The following FAR2 variants were observed in gnomAD, a reference collection of about 807,000 sequenced individuals.
The protein encoded by FAR2 is epididymis secretory protein Li 81.
In FAR2, 19 loss-of-function variants were observed where a neutral mutation model predicts 56.0. The ratio of observed to expected loss-of-function variants is 0.34; its 90% CI spans 0.24 to 0.50. The LOEUF is 0.50. FAR2 is among the 20% of genes least tolerant of loss of function. FAR2 has a pLI of 0.98. For synonymous variants in FAR2, 219 were observed against 218.8 expected, an observed-to-expected ratio of 1.00 and a Z score of -0.01; for missense variants, 508 against 642.2, an observed-to-expected ratio of 0.79 and a Z score of 2.26.
intron 1 of FAR2, among the ~76,000 whole-genome samples, chr12:29,210,188 AGAGT>A (rs1445906272): frequency 6.6e-6 from 1 of 152,214 alleles, no homozygotes; most frequent in Non-Finnish European, 1.5e-5. Context: ...CCTGGGTGAC[AGAGT>A]GAGAACCTCT....
chr12:29,242,566 C>T (rs1948054948), intron 1 of FAR2, among the ~76,000 whole-genome samples: 1 of 152,196 alleles, frequency 6.6e-6, no homozygotes, highest in African/African-American at 2.4e-5. Context: ...TTCATATATT[C>T]AACCTATGGT....
At chr12:29,311,666 T>TCTCACA (rs1555123662) in intron 7 of FAR2, among the ~76,000 whole-genome samples, 39,978 of 147,434 alleles carry the variant, frequency 0.27, 5,422 homozygotes, top group East Asian at 0.32. Context: ...AACATCTCTT[T>TCTCACA]CACACACACA....
chr12:29,276,485 A>G (rs1052198161), intron 2 of FAR2, among the ~76,000 whole-genome samples: 2 of 152,214 alleles, frequency 1.3e-5, no homozygotes, highest in African/African-American at 2.4e-5. Flanking sequence ...CTATGCAAAT[A>G]TCTACTTTCT....
At chr12:29,160,384 G>A (rs183339215) in intron 1 of FAR2, among the ~76,000 whole-genome samples, 3 of 152,358 alleles carry the variant, frequency 2.0e-5, no homozygotes, top group Non-Finnish European at 2.9e-5. Context: ...CTTGCCAAGT[G>A]TATGAGATGC....
At chr12:29,280,371 A>G (rs1169347312) in intron 2 of FAR2, 1 of 152,180 alleles carries the variant, frequency 6.6e-6, no homozygotes, top group Non-Finnish European at 1.5e-5. Flanking sequence ...TCTCTTTTCT[A>G]TAGTTAGTCA....
intron 1 of FAR2, among the ~76,000 whole-genome samples, chr12:29,176,643 T>G (rs1342551844): frequency 6.6e-6 from 1 of 152,240 alleles, no homozygotes; most frequent in Non-Finnish European, 1.5e-5. Context: ...TCAAAATTAC[T>G]CAGTGGCTTA....
intron 1 of FAR2, among the ~76,000 whole-genome samples, chr12:29,263,095 A>G (rs147106217): frequency 5.3e-5 from 8 of 152,356 alleles, no homozygotes; most frequent in Admixed American, 5.2e-4. Context: ...CAGCAATAGG[A>G]TATAATAATT....
intron 1 of FAR2, among the ~76,000 whole-genome samples, chr12:29,152,689 A>C (rs1034425270): frequency 6.6e-6 from 1 of 152,252 alleles, no homozygotes; most frequent in Non-Finnish European, 1.5e-5. Context: ...TAAACTTATG[A>C]CATCATTAGT....
chr12:29,177,739 A>G (rs1949951809), intron 1 of FAR2, among the ~76,000 whole-genome samples: 6 of 152,114 alleles, frequency 3.9e-5, no homozygotes, highest in Admixed American at 3.9e-4. Context: ...TCTAGATGGT[A>G]TTTTTATCCC....
rs71042981 is a variant in FAR2 at position 29,299,213 on chromosome 12, C to CAAA, written c.545+2033_545+2035dup. On this transcript the variant is annotated intron_variant, in intron 4 of 11. Transcript: ENST00000536681. ...GGTCAACAAGAGCAAAACTTTGTCTCAAAAAAAAAAAAAAAAAAAAAAGAA... is the reference window on the plus strand; with the variant it reads ...GGTCAACAAGAGCAAAACTTTGTCTCAAAAAAAAAAAAAAAAAAAAAAAAAGAA... Among the ~76,000 whole-genome samples the CAAA allele has an allele frequency of 5.2e-4, 54 of 103,556 alleles. 1 individual carries two copies. The highest frequency in any genetic ancestry group is 1.7e-3 in the African/African-American group (43 of 25,890). The allele number at this position is 103,556 out of a possible 152,430, so 67.9% of individuals were successfully genotyped here.
chr12:29,209,723 T>C (rs1265442123), intron 1 of FAR2, among the ~76,000 whole-genome samples: 3 of 152,102 alleles, frequency 2.0e-5, no homozygotes, highest in Non-Finnish European at 1.5e-5. Flanking sequence ...TGTGTGTCTG[T>C]GTGTGTAAAA....
intron 1 of FAR2, among the ~76,000 whole-genome samples, chr12:29,249,508 A>C (rs1377937651): frequency 6.6e-6 from 1 of 152,210 alleles, no homozygotes; most frequent in East Asian, 1.9e-4. Flanking sequence ...ATTCATTTGA[A>C]AGGGTATCTC....
intron 10 of FAR2, among the ~76,000 whole-genome samples, chr12:29,325,083 A>C (rs1356815745): frequency 6.6e-6 from 1 of 152,138 alleles, no homozygotes; most frequent in Non-Finnish European, 1.5e-5. Context: ...AAACAAAAAA[A>C]GGCAGGGGTT....
chr12:29,324,012 C>T (rs925853699), intron 10 of FAR2, among the ~76,000 whole-genome samples: 3 of 152,022 alleles, frequency 2.0e-5, no homozygotes, highest in Non-Finnish European at 4.4e-5. Context: ...AAAAATTAGA[C>T]GAATGGATAA....
chr12:29,192,127 A>G (rs768945181), intron 1 of FAR2, among the ~76,000 whole-genome samples: 3 of 152,252 alleles, frequency 2.0e-5, no homozygotes, highest in Admixed American at 6.5e-5. Flanking sequence ...GCCATGTGTG[A>G]GAAATAACCA....
intron 1 of FAR2, among the ~76,000 whole-genome samples, chr12:29,164,262 G>A (rs1231147843): frequency 6.6e-6 from 1 of 152,110 alleles, no homozygotes; most frequent in Non-Finnish European, 1.5e-5. Context: ...ATGCAGGCAC[G>A]AGGCCTTGAT....
rs141359192 is a variant in FAR2 at position 29,308,018 on chromosome 12, G to A, written c.723+183G>A. On this transcript the variant is annotated intron_variant, in intron 5 of 11. Transcript: ENST00000536681. ...GGGTTCAGGATTTACCCAGCATGTG[G>A]CTCCTCTGGCAGTTATCTTGACTGC... 1.0e-5 allele frequency: 6 copies of A among 572,202 alleles called. No homozygotes were observed. The African/African-American group carries it at 1.2e-4, about 11-fold the overall frequency. The allele number at this position is 572,202 out of a possible 1,614,324, so 35.4% of individuals were successfully genotyped here.
intron 10 of FAR2, among the ~76,000 whole-genome samples, chr12:29,326,184 C>G (rs1297386480): frequency 6.6e-6 from 1 of 152,220 alleles, no homozygotes; most frequent in African/African-American, 2.4e-5. Flanking sequence ...CACATACACC[C>G]TCCCAAGACT....
rs1565689809 is a variant in FAR2 at position 29,199,613 on chromosome 12, A to AG, written c.-39+50206_-39+50207insG. ...AGACCCCGTCTCAAAAAAAAAAAAA[A>AG]AAGAAAGAAAAGAAACAAACAAACA... On this transcript the variant is annotated intron_variant, in intron 1 of 11. Coordinates refer to ENST00000536681, the MANE Select transcript of FAR2 (RefSeq NM_001271783.2). Among the ~76,000 whole-genome samples, 16 of 25,258 alleles carry AG rather than the reference A, an allele frequency of 6.3e-4. 3 individuals carry two copies. Among genetic ancestry groups the AG allele is most frequent in the East Asian group, 2.3e-3 (1 of 432 alleles). 16.6% of individuals were successfully genotyped at this position (25,258 alleles called of 152,430 possible).
Sources: allele counts gnomAD v4.1 joint callset (sites outside exome capture counted in the v4.1 genomes callset), GRCh38; gene constraint gnomAD v4.1.1; transcripts MANE v1.5; gene names NCBI Gene and HGNC (gene_info 2026-07-23, HGNC 2026-07-21).